Variants in RALGPS2 observed in about 807,000 individuals in gnomAD.
RALGPS2 encodes Ral GEF with PH domain and SH3 binding motif 2.
A neutral mutation model predicts 86.8 loss-of-function variants in RALGPS2; 43 were observed. The observed-to-expected ratio is 0.50, with a 90% CI of 0.39 to 0.64. The LOEUF is 0.64. Ranked by LOEUF, RALGPS2 falls within the 30% of genes least tolerant of loss-of-function variation. RALGPS2 has a pLI of 0.00. For synonymous variants in RALGPS2, 243 were observed against 231.3 expected (o/e 1.05, Z -0.46); for missense variants, 536 against 694.6 (o/e 0.77, Z 2.57).
At position 178,862,590 on chromosome 1, in the gene RALGPS2, TTTTTTTA is replaced by T. The variant is rs1438802341; in HGVS notation, c.608-14904_608-14898del. ...CAAGGGCCTCAAGGAGGAGTTGCATTTTTTTTATTTATTTATTTATTTATTTATTTAT... is the reference window on the plus strand; with the variant it reads ...CAAGGGCCTCAAGGAGGAGTTGCATTTTTATTTATTTATTTATTTATTTAT... On this transcript the variant is annotated intron_variant, in intron 8 of 19. Transcript: ENST00000367635. Among the ~76,000 whole-genome samples, 193 of 117,936 alleles carry T rather than the reference TTTTTTTA, an allele frequency of 1.6e-3. 2 individuals carry two copies. Among genetic ancestry groups the T allele is most frequent in the African/African-American group, 7.0e-3 (175 of 24,848 alleles). The allele number at this position is 117,936 out of a possible 152,430, so 77.4% of individuals were successfully genotyped here.
chr1:178,730,850 T>C (rs1650305823), intron 1 of RALGPS2, among the ~76,000 whole-genome samples: 2 of 151,828 alleles, frequency 1.3e-5, no homozygotes, highest in African/African-American at 4.8e-5. Context: ...TACAGGCATG[T>C]GCCACCACAC....
chr1:178,741,406 T>C (rs1347271322), intron 1 of RALGPS2, among the ~76,000 whole-genome samples: 2 of 152,226 alleles, frequency 1.3e-5, no homozygotes, highest in African/African-American at 2.4e-5. Flanking sequence ...AAATATCTAA[T>C]TCCTTTTCAA....
At chr1:178,859,541 T>C (rs1273266772) in intron 8 of RALGPS2, among the ~76,000 whole-genome samples, 3 of 146,930 alleles carry the variant, frequency 2.0e-5, no homozygotes, top group Middle Eastern at 3.7e-3. Context: ...GTAGCTGGGA[T>C]TACAGGCGCC....
intron 4 of RALGPS2, among the ~76,000 whole-genome samples, chr1:178,787,511 G>A (rs1320951443): frequency 1.3e-5 from 2 of 152,076 alleles, no homozygotes; most frequent in Admixed American, 1.3e-4. Context: ...TACAACAATT[G>A]CAGTACATCT....
Position 178,906,791 on chromosome 1 carries a change from T to G in RALGPS2, c.1646T>G (p.Phe549Cys), listed in dbSNP as rs1445158837. 6.2e-7 allele frequency: 1 copy of G among 1,610,260 alleles called. No homozygotes were observed. The highest frequency in any genetic ancestry group is 1.7e-5 in the Admixed American group (1 of 59,286). ...ATAATTTTAGGAAATTCGTACAAGT[T>G]TCAAGCTGGCAATAGAATGAATGCA... ...TDSEKGNSYK[F>C]QAGNRMNAML... The change falls in exon 19 of 20, where the codon TTT (phenylalanine) becomes TGT (cysteine). Residue 549 changes from phenylalanine to cysteine, a missense_variant. Transcript: ENST00000367635.
At chr1:178,876,308 A>G (rs1659003209) in intron 8 of RALGPS2, among the ~76,000 whole-genome samples, 2 of 152,232 alleles carry the variant, frequency 1.3e-5, no homozygotes, top group African/African-American at 4.8e-5. Flanking sequence ...AATAGAATAT[A>G]AGTAATTTTT....
At chr1:178,829,470 G>A (rs993748202) in intron 7 of RALGPS2, among the ~76,000 whole-genome samples, 1 of 152,162 alleles carries the variant, frequency 6.6e-6, no homozygotes, top group African/African-American at 2.4e-5. Flanking sequence ...TGTGAACTCC[G>A]CATGTGAAGG....
intron 8 of RALGPS2, among the ~76,000 whole-genome samples, chr1:178,836,507 C>T (rs2102256515): frequency 6.6e-6 from 1 of 152,156 alleles, no homozygotes. Context: ...TTGTTGTCAC[C>T]TTTTTCTCCA....
intron 15 of RALGPS2, among the ~76,000 whole-genome samples, chr1:178,892,842 A>G (rs1175146281): frequency 1.3e-5 from 2 of 152,098 alleles, no homozygotes. Context: ...GGAGGCAGAT[A>G]AGGGTGGTGT....
intron 16 of RALGPS2, among the ~76,000 whole-genome samples, chr1:178,894,638 A>G (rs530073569): frequency 6.6e-6 from 1 of 152,166 alleles, no homozygotes; most frequent in Admixed American, 6.6e-5. Context: ...AAACCTGTGA[A>G]TTGTTTATTT....
At chr1:178,740,455 G>A (rs1650956579) in intron 1 of RALGPS2, among the ~76,000 whole-genome samples, 1 of 152,178 alleles carries the variant, frequency 6.6e-6, no homozygotes. Flanking sequence ...AGAAAACATG[G>A]AGTTAATTTA....
At chr1:178,874,515 C>T (rs924345884) in intron 8 of RALGPS2, among the ~76,000 whole-genome samples, 2 of 152,116 alleles carry the variant, frequency 1.3e-5, no homozygotes, top group Non-Finnish European at 2.9e-5. Flanking sequence ...ATTAGTACCC[C>T]GCTCAAATCC....
chr1:178,748,651 G>A (rs918480350), intron 1 of RALGPS2, among the ~76,000 whole-genome samples: 3 of 151,558 alleles, frequency 2.0e-5, no homozygotes, highest in Non-Finnish European at 4.4e-5. Flanking sequence ...TCAGGAGTTC[G>A]AGACCAGCCT....
chr1:178,891,036 T>A, intron 14 of RALGPS2, among the ~76,000 whole-genome samples: 1 of 152,046 alleles, frequency 6.6e-6, no homozygotes, highest in East Asian at 1.9e-4. Flanking sequence ...CCAAATTGTT[T>A]TTTAGATTGC....
At chr1:178,898,122 G>C (rs115321630) in intron 17 of RALGPS2, among the ~76,000 whole-genome samples, 1,967 of 152,082 alleles carry the variant, frequency 0.013, 48 homozygotes, top group African/African-American at 0.043. Context: ...TCCCAACAAT[G>C]AAGAGGAATG....
intron 4 of RALGPS2, among the ~76,000 whole-genome samples, chr1:178,789,034 G>A (rs1157494218): frequency 6.6e-6 from 1 of 151,774 alleles, no homozygotes; most frequent in Non-Finnish European, 1.5e-5. Flanking sequence ...AGCCTCCCTA[G>A]TAGCTAGGCC....
chr1:178,812,411 C>A (rs984544315), intron 6 of RALGPS2, among the ~76,000 whole-genome samples: 1 of 152,068 alleles, frequency 6.6e-6, no homozygotes, highest in African/African-American at 2.4e-5. Flanking sequence ...TAGTTGGGGT[C>A]GCCTATGGTT....
rs1659037127 is a variant in RALGPS2, at chr1:178,877,033, G to A, written c.608-465G>A. ...TTAAATAATTTCCCTATGTCAGTCAGTGGCTGGGCTGCTGGCTAAATTAAT... is the reference window on the plus strand; with the variant it reads ...TTAAATAATTTCCCTATGTCAGTCAATGGCTGGGCTGCTGGCTAAATTAAT... On this transcript the variant is annotated intron_variant, in intron 8 of 19. Coordinates refer to ENST00000367635, the MANE Select transcript of RALGPS2 (RefSeq NM_152663.5). Among the ~76,000 whole-genome samples the A allele has an allele frequency of 2.6e-5, 4 of 152,262 alleles. No homozygotes were observed. In the South Asian group the frequency reaches 8.3e-4, roughly 32 times the overall value.
chr1:178,851,977 G>A (rs185541232), intron 8 of RALGPS2, among the ~76,000 whole-genome samples: 89 of 152,246 alleles, frequency 5.8e-4, no homozygotes, highest in African/African-American at 2.1e-3. Flanking sequence ...TTGAAATTAT[G>A]TGGATGGTCT....
Sources: gnomAD v4.1 joint callset for allele counts (sites outside exome capture counted in the v4.1 genomes callset) on GRCh38, gnomAD v4.1.1 for gene constraint, MANE v1.5 for transcripts, NCBI Gene and HGNC (gene_info 2026-07-23, HGNC 2026-07-21) for gene names.